The following FGGY variants were observed in gnomAD, a reference collection of about 807,000 sequenced individuals.
The protein encoded by FGGY is FGGY carbohydrate kinase domain containing.
Under a neutral mutation model 71.3 loss-of-function variants are expected in FGGY, and 72 were observed. The observed-to-expected ratio is 1.01, with a 90% CI of 0.84 to 1.23. The LOEUF (loss-of-function observed/expected upper bound fraction) is 1.23, where lower values mean the gene tolerates loss of function less well. FGGY is among the 50% of genes most tolerant of loss of function. The pLI, the probability that FGGY is intolerant of heterozygous loss-of-function variation, is 0.00. For synonymous variants in FGGY, 251 were observed against 250.3 expected (o/e 1.00, Z -0.02); for missense variants, 668 against 682.3 (o/e 0.98, Z 0.23).
chr1:59,374,258 C>G (rs1417739031), intron 4 of FGGY, among the ~76,000 whole-genome samples: 1 of 152,208 alleles, frequency 6.6e-6, no homozygotes, highest in Non-Finnish European at 1.5e-5. Flanking sequence ...TGAACAGACA[C>G]TTCTCAAAAG....
At chr1:59,406,678 C>T (rs542093976) in intron 5 of FGGY, among the ~76,000 whole-genome samples, 1 of 152,270 alleles carries the variant, frequency 6.6e-6, no homozygotes, top group Admixed American at 6.5e-5. Context: ...CTGTATTTCC[C>T]TTAGGAACAA....
At chr1:59,481,411 C>T (rs2093462505) in intron 6 of FGGY, among the ~76,000 whole-genome samples, 1 of 152,136 alleles carries the variant, frequency 6.6e-6, no homozygotes, top group Non-Finnish European at 1.5e-5. Context: ...CTCATCTTCT[C>T]CCAGTGGTCC....
intron 9 of FGGY, among the ~76,000 whole-genome samples, chr1:59,609,612 T>G (rs1237800801): frequency 6.6e-6 from 1 of 152,240 alleles, no homozygotes; most frequent in Non-Finnish European, 1.5e-5. Flanking sequence ...ACTGTTAAAT[T>G]GGAAATATCT....
intron 11 of FGGY, among the ~76,000 whole-genome samples, chr1:59,646,909 T>A (rs1404442397): frequency 1.3e-5 from 2 of 152,240 alleles, no homozygotes; most frequent in Non-Finnish European, 2.9e-5. Flanking sequence ...TTCTGCTTTG[T>A]TTTTAATGTG....
chr1:59,588,786 G>A (rs990605747), intron 8 of FGGY, among the ~76,000 whole-genome samples: 25 of 152,244 alleles, frequency 1.6e-4, no homozygotes, highest in Non-Finnish European at 2.9e-4. Context: ...GCTCCTGAAG[G>A]AAGCACTAAA....
intron 5 of FGGY, among the ~76,000 whole-genome samples, chr1:59,405,065 G>T (rs188077492): frequency 4.0e-4 from 61 of 152,260 alleles, no homozygotes; most frequent in Admixed American, 1.3e-3. Context: ...TTAAGCAAAA[G>T]GATATAATTC....
At chr1:59,632,753 G>C (rs1441499746) in intron 10 of FGGY, among the ~76,000 whole-genome samples, 1 of 152,100 alleles carries the variant, frequency 6.6e-6, no homozygotes, top group East Asian at 1.9e-4. Context: ...TTTCCATTCT[G>C]CTCTTTTGTA....
chr1:59,446,075 G>T (rs981955020), intron 5 of FGGY, among the ~76,000 whole-genome samples: 2 of 152,126 alleles, frequency 1.3e-5, no homozygotes, highest in South Asian at 2.1e-4. Flanking sequence ...AATGCCTGGC[G>T]TATAATAGGC....
chr1:59,739,846 C>T (rs1017896452), intron 14 of FGGY, among the ~76,000 whole-genome samples: 3 of 152,180 alleles, frequency 2.0e-5, no homozygotes, highest in Non-Finnish European at 4.4e-5. Context: ...CAGGCTTCTA[C>T]CACTCTATAC....
intron 8 of FGGY, among the ~76,000 whole-genome samples, chr1:59,583,937 C>A (rs1282953081): frequency 8.6e-6 from 1 of 115,856 alleles, no homozygotes; most frequent in Non-Finnish European, 1.8e-5. Context: ...TCGGAAGTGT[C>A]GACGGCTCAC....
intron 6 of FGGY, among the ~76,000 whole-genome samples, chr1:59,473,512 G>A (rs1002689166): frequency 2.0e-5 from 3 of 152,154 alleles, no homozygotes; most frequent in African/African-American, 7.2e-5. Flanking sequence ...CAGAAAAGAG[G>A]GGAAATGGCT....
intron 11 of FGGY, among the ~76,000 whole-genome samples, chr1:59,647,162 G>A (rs183314576): frequency 3.0e-4 from 45 of 152,314 alleles, no homozygotes; most frequent in African/African-American, 7.5e-4. Flanking sequence ...AAGGCCAGAG[G>A]ACCAAGGATA....
chr1:59,587,297 C>A (rs987641227), intron 8 of FGGY, among the ~76,000 whole-genome samples: 3 of 152,040 alleles, frequency 2.0e-5, no homozygotes, highest in African/African-American at 7.2e-5. Context: ...CCTGGAAGCT[C>A]GAACTGGGTG....
intron 2 of FGGY, among the ~76,000 whole-genome samples, chr1:59,325,279 C>T (rs2047202433): frequency 6.6e-6 from 1 of 152,100 alleles, no homozygotes; most frequent in Non-Finnish European, 1.5e-5. Flanking sequence ...ATGGCGTGAA[C>T]CTGGGAGGCG....
intron 4 of FGGY, among the ~76,000 whole-genome samples, chr1:59,371,145 T>A (rs563155345): frequency 2.0e-5 from 3 of 152,166 alleles, no homozygotes; most frequent in Non-Finnish European, 4.4e-5. Context: ...CATCAGTGTG[T>A]TGTATTCAGG....
At chr1:59,441,583 T>A (rs187509765) in intron 5 of FGGY, among the ~76,000 whole-genome samples, 1 of 152,198 alleles carries the variant, frequency 6.6e-6, no homozygotes, top group African/African-American at 2.4e-5. Context: ...ATGTTGATGC[T>A]GGGGAAAACA....
intron 4 of FGGY, among the ~76,000 whole-genome samples, chr1:59,350,076 A>G (rs1282424872): frequency 1.3e-5 from 2 of 152,176 alleles, no homozygotes; most frequent in Non-Finnish European, 2.9e-5. Context: ...AAAGTTTGAT[A>G]GCTTCAGTAG....
chr1:59,509,983 A>T (rs1420981005), intron 6 of FGGY, among the ~76,000 whole-genome samples: 2 of 151,960 alleles, frequency 1.3e-5, no homozygotes, highest in East Asian at 3.9e-4. Flanking sequence ...ATTTTTAAAA[A>T]ATCTCAATTT....
At chr1:59,524,434 G>C (rs2094920800) in intron 7 of FGGY, among the ~76,000 whole-genome samples, 1 of 152,338 alleles carries the variant, frequency 6.6e-6, no homozygotes, top group Admixed American at 6.5e-5. Flanking sequence ...AAGCCTGGTG[G>C]CTGGACTGCC....
Sources: gnomAD v4.1 joint callset for allele counts (sites outside exome capture counted in the v4.1 genomes callset) on GRCh38, gnomAD v4.1.1 for gene constraint, MANE v1.5 for transcripts, NCBI Gene and HGNC (gene_info 2026-07-23, HGNC 2026-07-21) for gene names.